Variants in SSH1 observed in about 807,000 individuals in gnomAD.
SSH1 encodes the protein slingshot protein phosphatase 1.
In SSH1, 43 loss-of-function variants were observed where a neutral mutation model predicts 79.7. The ratio of observed to expected loss-of-function variants is 0.54; its 90% CI spans 0.42 to 0.70. The LOEUF is 0.70. SSH1 is among the 30% of genes least tolerant of loss of function. The pLI is 0.00. For missense variants in SSH1, 1,206 were observed against 1,358.8 expected (o/e 0.89, Z 1.77); for synonymous variants, 599 against 538.3 (o/e 1.11, Z -1.56).
At chr12:108,817,316 G>C in intron 4 of SSH1, 157 bp from the exon 5 acceptor site, 1 of 1,101,290 alleles carries the variant, frequency 9.1e-7, no homozygotes, top group Non-Finnish European at 1.3e-6. Context: ...GTTCAGGCCT[G>C]TAATCCCAGC....
chr12:108,848,163 T>C (rs1481159843), intron 2 of SSH1, among the ~76,000 whole-genome samples: 1 of 151,998 alleles, frequency 6.6e-6, no homozygotes, highest in Non-Finnish European at 1.5e-5. Flanking sequence ...GGGGGTGATA[T>C]GCCAAGGTAG....
chr12:108,857,314 G>T lies in SSH1; in HGVS notation c.69+114C>A. On this transcript the variant is annotated intron_variant, in intron 1 of 14. Coordinates refer to ENST00000326495, the MANE Select transcript of SSH1 (RefSeq NM_018984.4). The surrounding 1 kb of genome is among the most constrained non-coding windows in gnomAD (Gnocchi z 4.7). ...CTGCCCGGCTCTGTTCCTACGGCGG[G>T]GCCCCGAGGAGCCCGCGCAGCCGCC... 1 of 518,802 alleles carries T rather than the reference G, an allele frequency of 1.9e-6. No homozygotes were observed. The highest frequency in any genetic ancestry group is 2.5e-6 in the Non-Finnish European group (1 of 403,638). The allele number at this position is 518,802 out of a possible 1,614,324, so 32.1% of individuals were successfully genotyped here. A position where few individuals can be genotyped will look rare whatever the true frequency, so the allele number is the denominator to read the frequency against.
chr12:108,821,652 T>A (rs1399491205), intron 3 of SSH1, among the ~76,000 whole-genome samples: 1 of 152,188 alleles, frequency 6.6e-6, no homozygotes, highest in African/African-American at 2.4e-5. Flanking sequence ...AGAACTAGGA[T>A]CAGAAGACAG....
At chr12:108,836,188 G>GGT (rs2038625537) in intron 2 of SSH1, among the ~76,000 whole-genome samples, 1 of 151,776 alleles carries the variant, frequency 6.6e-6, no homozygotes, top group African/African-American at 2.4e-5. Flanking sequence ...TGAACCCCAA[G>GGT]GTGCTGCATC....
Position 108,802,294 on chromosome 12 carries a change from C to T in SSH1, c.1001+28G>A, listed in dbSNP as rs765752110. 21 of 1,611,374 alleles carry T rather than the reference C, an allele frequency of 1.3e-5. No homozygotes were observed. In the South Asian group the frequency reaches 2.2e-4, roughly 17 times the overall value. On this transcript the variant is annotated intron_variant, in intron 11 of 14. Transcript: ENST00000326495. ...AGGGTTTCTAAGCTGCCTGGAAGGA[C>T]AGGGAAAGACAAGGGGAGGAGACTC...
chr12:108,806,163 A>G, intron 9 of SSH1, 138 bp downstream of exon 9: 1 of 848,312 alleles, frequency 1.2e-6, no homozygotes, highest in South Asian at 1.3e-5. Flanking sequence ...ACGAGGCAGA[A>G]AAAAGCCTCC....
At chr12:108,834,542 T>C (rs1472832239) in intron 2 of SSH1, among the ~76,000 whole-genome samples, 1 of 152,238 alleles carries the variant, frequency 6.6e-6, no homozygotes, top group African/African-American at 2.4e-5. Context: ...TGAGGGATGC[T>C]GAACTCTTTG....
At chr12:108,800,700 A>G (rs183254294) in intron 12 of SSH1, 80 bp downstream of exon 12, 110 of 1,561,816 alleles carry the variant, frequency 7.0e-5, no homozygotes, top group Middle Eastern at 4.5e-4. Flanking sequence ...CGACTTCTGC[A>G]TCTGCAGTCT....
intron 13 of SSH1, among the ~76,000 whole-genome samples, chr12:108,798,723 G>C (rs536621814): frequency 6.6e-5 from 10 of 152,374 alleles, no homozygotes; most frequent in African/African-American, 2.4e-4. Flanking sequence ...GCCAGGCCTT[G>C]GCTTAGAACC....
In SSH1 at chr12:108,798,510, G is replaced by A. The variant is rs887325120; in HGVS notation, c.1349+490C>T. On this transcript the variant is annotated intron_variant, in intron 13 of 14. Transcript: ENST00000326495. ...CATGTCCCAGGCCCAGCTAAGGTGGGCATTAATTCTTAGAAGAGGGAACTG... is the reference window on the plus strand; with the variant it reads ...CATGTCCCAGGCCCAGCTAAGGTGGACATTAATTCTTAGAAGAGGGAACTG... Among the ~76,000 whole-genome samples, 5 of 152,172 alleles carry A rather than the reference G, an allele frequency of 3.3e-5. 1 individual carries two copies. The South Asian group carries it at 1.0e-3, about 31-fold the overall frequency.
In SSH1 at chr12:108,808,821, CTTTTTTTTTTT is replaced by C. The variant is rs148110288; in HGVS notation, c.536+861_536+871del. On this transcript the variant is annotated intron_variant, in intron 7 of 14. Transcript: ENST00000326495. The stretch of plus-strand genomic sequence containing the variant: ...TTTATTTAGTCACCCTCTTTTACTT[CTTTTTTTTTTT>C]TTTTTTTTTTTTTTTGTTTGAGAGA... 3.9e-3 allele frequency among the ~76,000 whole-genome samples: 313 copies of C among 80,278 alleles called. 3 individuals are homozygous for C. Among genetic ancestry groups the C allele is most frequent in the African/African-American group, 0.013 (280 of 21,012 alleles). 52.7% of individuals were successfully genotyped at this position (80,278 alleles called of 152,430 possible). A position where few individuals can be genotyped will look rare whatever the true frequency, so the allele number is the denominator to read the frequency against.
chr12:108,793,803 C>A (rs375703248), intron 13 of SSH1, among the ~76,000 whole-genome samples: 1 of 152,176 alleles, frequency 6.6e-6, no homozygotes. Context: ...CACAGGCTTG[C>A]GAGGGTTAAA....
rs757565208 is a variant in SSH1, at chr12:108,788,735, TGTC to T, written c.2400_2402del (p.Thr802del). ...GGTGCTGCATCAGGTAGCTGTTGGT[TGTC>T]GGCTTCTCAGATTCATTACTGAACA... is the stretch of plus-strand genomic sequence containing the variant. On this transcript the variant is annotated inframe_deletion, in exon 15 of 15. Coordinates refer to ENST00000326495, the MANE Select transcript of SSH1 (RefSeq NM_018984.4). 3.7e-6 allele frequency: 6 copies of T among 1,614,128 alleles called. No homozygotes were observed. The African/African-American group carries it at 8.0e-5, about 22-fold the overall frequency.
At chr12:108,793,724 TAAAA>T (rs958545659) in intron 13 of SSH1, among the ~76,000 whole-genome samples, 1 of 151,426 alleles carries the variant, frequency 6.6e-6, no homozygotes, top group Non-Finnish European at 1.5e-5. Context: ...ATGTAAGGCA[TAAAA>T]AAAAAGTTTA....
At chr12:108,794,151 G>C (rs2036638378) in intron 13 of SSH1, among the ~76,000 whole-genome samples, 1 of 152,340 alleles carries the variant, frequency 6.6e-6, no homozygotes, top group Admixed American at 6.5e-5. Context: ...CCAAGAGGCT[G>C]GTAGACTTTG....
chr12:108,809,712 C>T lies in SSH1; in HGVS notation c.517G>A (p.Val173Met). 1 of 1,614,032 alleles carries T rather than the reference C, an allele frequency of 6.2e-7. No homozygotes were observed. Residue 173 changes from valine to methionine, a missense_variant, in exon 7 of 15, where the codon GTG becomes ATG. Physicochemically the swap from Val to Met is conservative, Grantham distance 21. Coordinates refer to ENST00000326495, the MANE Select transcript of SSH1 (RefSeq NM_018984.4). ...TAGRMHIFKP[V>M]SVQAMWSALQ... ...ACTTACCACATGGCCTGGACAGACA[C>T]AGGCTTAAATATGTGCATCCTTCCT...
intron 1 of SSH1, among the ~76,000 whole-genome samples, chr12:108,855,812 G>C (rs1028615688): frequency 1.7e-4 from 26 of 151,872 alleles, no homozygotes; most frequent in Non-Finnish European, 1.2e-4. Context: ...CGTGTAGAGG[G>C]GGATTACTAG....
Position 108,800,893 on chromosome 12 carries a change from G to A in SSH1, c.1035C>T (p.Ile345=), listed in dbSNP as rs138214598. The change falls in exon 12 of 15, where the codon ATC becomes ATT. Residue 345 remains isoleucine, a synonymous_variant. Transcript: ENST00000326495. Reference sequence around the variant, plus strand: ...CAAATAAGCCAGGAAAAAAATTATCGATTTCTCTGGTAACATTTAAAATGT... The same window carrying A: ...CAAATAAGCCAGGAAAAAAATTATCAATTTCTCTGGTAACATTTAAAATGT... The part of the protein sequence containing the change: ...VDYILNVTRE[I]DNFFPGLFAY... The A allele has an allele frequency of 2.1e-5, 34 of 1,613,836 alleles. No homozygotes were observed. Among genetic ancestry groups the A allele is most frequent in the African/African-American group, 1.7e-4 (13 of 74,994 alleles).
At chr12:108,855,820 T>G (rs978082252) in intron 1 of SSH1, among the ~76,000 whole-genome samples, 1 of 152,130 alleles carries the variant, frequency 6.6e-6, no homozygotes, top group South Asian at 2.1e-4. Flanking sequence ...GGGGGATTAC[T>G]AGAACCTTCT....
Sources: allele counts gnomAD v4.1 joint callset (sites outside exome capture counted in the v4.1 genomes callset), GRCh38; gene constraint gnomAD v4.1.1; non-coding constraint Gnocchi (gnomAD v3.1); transcripts MANE v1.5; gene names NCBI Gene and HGNC (gene_info 2026-07-23, HGNC 2026-07-21).